TMEM236: variants seen among roughly 807,000 people sequenced by gnomAD.
TMEM236 encodes the protein transmembrane protein 236, also known as family with sequence similarity 23, member A.
Under a neutral mutation model 14.7 loss-of-function variants are expected in TMEM236, and 11 were observed. The ratio of observed to expected loss-of-function variants is 0.75; its 90% confidence interval spans 0.47 to 1.24. TMEM236 has a LOEUF of 1.24. TMEM236 is among the 50% of genes most tolerant of loss of function. The pLI is 0.00. For missense variants in TMEM236, 464 were observed against 427.3 expected (o/e 1.09, Z -0.76); for synonymous variants, 182 against 168.6 (o/e 1.08, Z -0.62).
At chr10:17,752,947 G>C (rs1422846527) in intron 1 of TMEM236, among the ~76,000 whole-genome samples, 2 of 152,042 alleles carry the variant, frequency 1.3e-5, no homozygotes, top group East Asian at 3.9e-4. Flanking sequence ...TTTGTTGTTT[G>C]TTTTAACTTT....
Position 17,800,802 on chromosome 10 carries a change from C to T in TMEM236, c.*4298C>T, listed in dbSNP as rs1379567698. 6.6e-6 allele frequency: 1 copy of T among 152,124 alleles called. No homozygotes were observed. The highest frequency in any genetic ancestry group is 1.5e-5 in the Non-Finnish European group (1 of 68,024). The allele number at this position is 152,124 out of a possible 1,614,324, so 9.4% of individuals were successfully genotyped here. On this transcript the variant is annotated 3_prime_UTR_variant, in exon 4 of 4. Coordinates refer to ENST00000377495, the MANE Select transcript of TMEM236 (RefSeq NM_001098844.3). ...ATAATAGAAGAAAAAAATGAAATGGCTAAAGACATTTTGTTTTACAATGGG... is the reference window on the plus strand; with the variant it reads ...ATAATAGAAGAAAAAAATGAAATGGTTAAAGACATTTTGTTTTACAATGGG...
Position 17,795,976 on chromosome 10 carries a change from G to A in TMEM236, c.528G>A (p.Thr176=), listed in dbSNP as rs1216252436. The A allele has an allele frequency of 5.6e-6, 9 of 1,613,730 alleles. No homozygotes were observed. Among genetic ancestry groups the A allele is most frequent in the East Asian group, 2.2e-5 (1 of 44,880 alleles). ...CTTTGCAACACATAAAAACTGTGAC[G>A]GAGCAAGTGAGGCAAAGTCCAGAAA... ...STSLQHIKTV[T]EQVRQSPENA... is the part of the protein sequence containing the mutation. Residue 176 remains threonine (T), a synonymous_variant, in exon 4 of 4, where the codon ACG becomes ACA. Transcript: ENST00000377495.
At chr10:17,756,031 C>T (rs1837279368) in intron 1 of TMEM236, among the ~76,000 whole-genome samples, 3 of 152,128 alleles carry the variant, frequency 2.0e-5, no homozygotes, top group Non-Finnish European at 4.4e-5. Context: ...CTTTGGGAGG[C>T]CAAGGTGGGA....
chr10:17,796,455 A>C lies in TMEM236; in HGVS notation c.1007A>C (p.Tyr336Ser). ...LVTLSYIYFN[Y>S]LTRIRIFSAF... ...ACTCTCTCTTACATTTACTTCAATT[A>C]CCTAACCAGAATCAGGATTTTTTCT... The change falls in exon 4 of 4, where the codon TAC becomes TCC. Residue 336 changes from tyrosine (Y) to serine (S), a missense_variant. Transcript: ENST00000377495. 1 of 1,613,436 alleles carries C rather than the reference A, an allele frequency of 6.2e-7. No homozygotes were observed. Among genetic ancestry groups the C allele is most frequent in the Non-Finnish European group, 8.5e-7 (1 of 1,179,778 alleles).
At chr10:17,773,042 A>G (rs1017863510) in intron 2 of TMEM236, among the ~76,000 whole-genome samples, 2 of 152,224 alleles carry the variant, frequency 1.3e-5, no homozygotes, top group Admixed American at 1.3e-4. Context: ...ACATTTTATG[A>G]AAAGATCATA....
chr10:17,776,545 T>C (rs1340598802), intron 3 of TMEM236, among the ~76,000 whole-genome samples: 2 of 152,234 alleles, frequency 1.3e-5, no homozygotes, highest in African/African-American at 4.8e-5. Flanking sequence ...TTTGGAGACT[T>C]TTACTACAGG....
rs2130544495 is a variant in TMEM236, at chr10:17,798,327, C to A, written c.*1823C>A. 1 of 335,182 alleles carries A rather than the reference C, an allele frequency of 3.0e-6. No individual in the cohort carries two copies. The highest frequency in any genetic ancestry group is 2.4e-5 in the South Asian group (1 of 41,442). The allele number at this position is 335,182 out of a possible 1,614,324, so 20.8% of individuals were successfully genotyped here. A position where few individuals can be genotyped will look rare whatever the true frequency, so the allele number is the denominator to read the frequency against. On this transcript the variant is annotated 3_prime_UTR_variant, in exon 4 of 4. Coordinates refer to ENST00000377495, the MANE Select transcript of TMEM236 (RefSeq NM_001098844.3). ...GTTGAGGCAGGTAGATCACTGGAGT[C>A]CAGGAGTCTGAGACCAGCCTGGGCA...
At chr10:17,754,478 C>A (rs1358303415) in intron 1 of TMEM236, among the ~76,000 whole-genome samples, 7 of 151,970 alleles carry the variant, frequency 4.6e-5, no homozygotes, top group African/African-American at 1.7e-4. Flanking sequence ...GTGCACACCA[C>A]CACACCCGGC....
chr10:17,761,353 T>G (rs34794144), intron 1 of TMEM236, among the ~76,000 whole-genome samples: 3 of 151,924 alleles, frequency 2.0e-5, no homozygotes, highest in Non-Finnish European at 2.9e-5. Flanking sequence ...TTCTCCCCCC[T>G]GCATTCCCTC....
chr10:17,795,902 A>C lies in TMEM236; in HGVS notation c.473-19A>C. 2 of 1,612,310 alleles carry C rather than the reference A, an allele frequency of 1.2e-6. No individual in the cohort carries two copies. Among genetic ancestry groups the C allele is most frequent in the South Asian group, 2.2e-5 (2 of 91,010 alleles). ...ATACATTTTAAAAACTAAAATGTAA[A>C]TAAATCTGTTAATTGCAGGTAGTGA... is the stretch of plus-strand genomic sequence containing the variant. On this transcript the variant is annotated intron_variant, in intron 3 of 3. Transcript: ENST00000377495.
In TMEM236 at chr10:17,772,617, G is replaced by A. The variant is rs1046455542; in HGVS notation, c.330+1236G>A. Among the ~76,000 whole-genome samples the A allele has an allele frequency of 4.1e-3, 624 of 151,152 alleles. 4 individuals carry two copies. Among genetic ancestry groups the A allele is most frequent in the Non-Finnish European group, 4.6e-3 (312 of 67,922 alleles). ...CTTTTTTTCTTACTTAATTTTCACC[G>A]AAGTATAACACATAAACAGAAAAGT... On this transcript the variant is annotated intron_variant, in intron 2 of 3. Coordinates refer to ENST00000377495, the MANE Select transcript of TMEM236 (RefSeq NM_001098844.3).
At chr10:17,767,956 C>T (rs1837496377) in intron 1 of TMEM236, among the ~76,000 whole-genome samples, 1 of 150,152 alleles carries the variant, frequency 6.7e-6, no homozygotes, top group Non-Finnish European at 1.5e-5. Flanking sequence ...GTCACCCAGG[C>T]TGGAGTGCAG....
chr10:17,788,026 C>A (rs1837866683), intron 3 of TMEM236, among the ~76,000 whole-genome samples: 1 of 151,498 alleles, frequency 6.6e-6, no homozygotes, highest in African/African-American at 2.4e-5. Context: ...TTCTACCTTA[C>A]TATGTATATA....
intron 2 of TMEM236, among the ~76,000 whole-genome samples, chr10:17,772,495 C>G (rs894171727): frequency 3.9e-5 from 6 of 152,186 alleles, no homozygotes; most frequent in Admixed American, 3.9e-4. Flanking sequence ...TAAGAAACAT[C>G]ACTGCGGTAA....
At chr10:17,791,586 T>C (rs1837926647) in intron 3 of TMEM236, among the ~76,000 whole-genome samples, 1 of 152,200 alleles carries the variant, frequency 6.6e-6, no homozygotes, top group African/African-American at 2.4e-5. Flanking sequence ...TCTTTTCCTC[T>C]CCCACTTCCT....
intron 2 of TMEM236, among the ~76,000 whole-genome samples, chr10:17,775,365 C>T (rs1450200304): frequency 2.0e-5 from 3 of 152,202 alleles, no homozygotes; most frequent in Admixed American, 1.3e-4. Flanking sequence ...GCCTCGACCT[C>T]CTGGGCTCAA....
intron 1 of TMEM236, among the ~76,000 whole-genome samples, chr10:17,759,710 G>A (rs1423076118): frequency 2.0e-5 from 3 of 152,094 alleles, no homozygotes; most frequent in Non-Finnish European, 4.4e-5. Context: ...TTAGAAATGA[G>A]GAGATTGAGG....
At position 17,796,233 on chromosome 10, in the gene TMEM236, A is replaced by T. The variant is rs1838012602; in HGVS notation, c.785A>T (p.Lys262Met). ...GTGGCTGGTCACCCCAACGTGTACAAGTCAAGCTGGCTATACCCAGTCTAC... is the reference window on the plus strand; with the variant it reads ...GTGGCTGGTCACCCCAACGTGTACATGTCAAGCTGGCTATACCCAGTCTAC... The part of the protein sequence containing the change: ...VRVAGHPNVY[K>M]SSWLYPVYIF... The change falls in exon 4 of 4, where the codon AAG becomes ATG. Residue 262 changes from lysine (K) to methionine (M), a missense_variant. By Grantham distance (95) the Lys-to-Met change is moderately conservative (BLOSUM62 -1). Coordinates refer to ENST00000377495, the MANE Select transcript of TMEM236 (RefSeq NM_001098844.3). The T allele has an allele frequency of 1.9e-6, 3 of 1,613,988 alleles. No individual in the cohort carries two copies. Among genetic ancestry groups the T allele is most frequent in the Non-Finnish European group, 2.5e-6 (3 of 1,179,868 alleles).
At chr10:17,771,155 C>A in intron 1 of TMEM236, 154 bp from the exon 2 acceptor site, 1 of 705,990 alleles carries the variant, frequency 1.4e-6, no homozygotes, top group Non-Finnish European at 2.5e-6. Context: ...TCCTCTTTGC[C>A]ATATGCAAAC....
Sources: gnomAD v4.1 joint callset for allele counts (sites outside exome capture counted in the v4.1 genomes callset) on GRCh38, gnomAD v4.1.1 for gene constraint, MANE v1.5 for transcripts, NCBI Gene and HGNC (gene_info 2026-07-23, HGNC 2026-07-21) for gene names.